Variants in ANO4 observed in about 807,000 individuals in gnomAD.
The protein encoded by ANO4 is anoctamin 4, also known as anoctamin-4.
Under a neutral mutation model 141.9 loss-of-function variants are expected in ANO4, and 69 were observed. The observed-to-expected ratio is 0.49, with a 90% CI of 0.40 to 0.59. The LOEUF (loss-of-function observed/expected upper bound fraction) is 0.59, where lower values mean the gene tolerates loss of function less well. Ranked by LOEUF, ANO4 falls within the 20% of genes least tolerant of loss-of-function variation. The pLI, the probability that ANO4 is intolerant of heterozygous loss-of-function variation, is 0.00. For missense variants in ANO4, 894 were observed against 1,162.2 expected (o/e 0.77, Z 3.36); for synonymous variants, 350 against 394.3 (o/e 0.89, Z 1.33).
At position 100,983,956 on chromosome 12, in the gene ANO4, C is replaced by T. The variant is rs546102455; in HGVS notation, c.603-3583C>T. ...ACCATGTTTGAGTGTTTGGTTTAGT[C>T]GTAGTGAAGTGCACACAGCATGCAC... is the stretch of plus-strand genomic sequence containing the variant. On this transcript the variant is annotated intron_variant, in intron 7 of 27. Transcript: ENST00000392977. 2.6e-5 allele frequency among the ~76,000 whole-genome samples: 4 copies of T among 152,204 alleles called. No individual in the cohort carries two copies. In the East Asian group the frequency reaches 5.8e-4, roughly 22 times the overall value.
chr12:100,731,490 A>G (rs2031378872), intron 1 of ANO4, among the ~76,000 whole-genome samples: 1 of 152,162 alleles, frequency 6.6e-6, no homozygotes, highest in Admixed American at 6.5e-5. Flanking sequence ...GTTACAATTG[A>G]TAAACCTACA....
intron 2 of ANO4, among the ~76,000 whole-genome samples, chr12:100,734,294 T>C (rs1021239396): frequency 3.3e-5 from 5 of 152,216 alleles, no homozygotes; most frequent in African/African-American, 1.2e-4. Context: ...GTTAGAGTGC[T>C]GCTGAAAATC....
chr12:100,900,048 T>A (rs1422111833), intron 1 of ANO4, among the ~76,000 whole-genome samples: 1 of 150,902 alleles, frequency 6.6e-6, no homozygotes, highest in Non-Finnish European at 1.5e-5. Flanking sequence ...TACTATCTAA[T>A]GTAATCCTTA....
intron 8 of ANO4, among the ~76,000 whole-genome samples, chr12:101,014,669 G>A (rs897458879): frequency 6.6e-6 from 1 of 152,150 alleles, no homozygotes; most frequent in Non-Finnish European, 1.5e-5. Context: ...ACATTAGCCC[G>A]TCAAAGTAGC....
chr12:101,006,884 C>A (rs2045894380), intron 8 of ANO4, among the ~76,000 whole-genome samples: 1 of 152,222 alleles, frequency 6.6e-6, no homozygotes, highest in South Asian at 2.1e-4. Context: ...ACTTTTGATT[C>A]TTAAGTTTGT....
intron 14 of ANO4, among the ~76,000 whole-genome samples, chr12:101,054,677 T>A (rs2048031581): frequency 6.6e-6 from 1 of 152,152 alleles, no homozygotes; most frequent in Non-Finnish European, 1.5e-5. Flanking sequence ...TTTTTTTGTA[T>A]TTTTAGTAGA....
At chr12:100,827,231 A>G (rs766450586) in intron 1 of ANO4, among the ~76,000 whole-genome samples, 3 of 151,836 alleles carry the variant, frequency 2.0e-5, no homozygotes, top group Non-Finnish European at 4.4e-5. Flanking sequence ...GGCCCTTTTG[A>G]TGATCCTTGA....
chr12:101,010,220 G>A (rs919803958), intron 8 of ANO4, among the ~76,000 whole-genome samples: 4 of 152,014 alleles, frequency 2.6e-5, no homozygotes, highest in African/African-American at 9.7e-5. Context: ...TCATTTTCAT[G>A]GGATTTTGAG....
rs764468746 is a variant in ANO4, at chr12:100,894,965, C to CAAA, written c.-140-6667_-140-6665dup. ...TGGGCGACAGAGCGAGACTCCATCT[C>CAAA]AAAAAAAAAAAAAAAAGAAAAAGAA... On this transcript the variant is annotated intron_variant, in intron 1 of 27. Coordinates refer to ENST00000392977, the MANE Select transcript of ANO4 (RefSeq NM_001286615.2). Among the ~76,000 whole-genome samples, 283 of 102,474 alleles carry CAAA rather than the reference C, an allele frequency of 2.8e-3. 1 individual carries two copies. Among genetic ancestry groups the CAAA allele is most frequent in the Non-Finnish European group, 3.6e-3 (176 of 49,388 alleles). 67.2% of individuals were successfully genotyped at this position (102,474 alleles called of 152,430 possible).
chr12:100,918,240 T>C (rs765065440), intron 2 of ANO4, among the ~76,000 whole-genome samples: 45 of 152,282 alleles, frequency 3.0e-4, no homozygotes, highest in Non-Finnish European at 4.3e-4. Flanking sequence ...GGTGGGAGAA[T>C]TGCTTGAGCC....
At chr12:101,089,425 A>G (rs998334437) in intron 17 of ANO4, among the ~76,000 whole-genome samples, 7 of 151,838 alleles carry the variant, frequency 4.6e-5, no homozygotes, top group Non-Finnish European at 1.0e-4. Flanking sequence ...GCAAGTGGAG[A>G]TTGAAAGTAG....
At chr12:100,717,671 C>T (rs941844867) in intron 1 of ANO4, 3 of 395,512 alleles carry the variant, frequency 7.6e-6, no homozygotes, top group African/African-American at 6.2e-5. Context: ...GGGAGGGAGA[C>T]GGCGGCCGTG....
At chr12:100,836,926 G>A in intron 1 of ANO4, among the ~76,000 whole-genome samples, 1 of 152,130 alleles carries the variant, frequency 6.6e-6, no homozygotes, top group East Asian at 1.9e-4. Flanking sequence ...TCTTAACTTT[G>A]ACTGCAGGTC....
At chr12:100,943,442 G>T (rs934097044) in intron 5 of ANO4, among the ~76,000 whole-genome samples, 4 of 152,158 alleles carry the variant, frequency 2.6e-5, no homozygotes, top group Non-Finnish European at 5.9e-5. Flanking sequence ...TTGTGCCAAG[G>T]TATCAAATAT....
intron 1 of ANO4, among the ~76,000 whole-genome samples, chr12:100,818,440 A>G (rs2135727172): frequency 6.6e-6 from 1 of 152,014 alleles, no homozygotes; most frequent in East Asian, 1.9e-4. Context: ...CTTCAACTTT[A>G]TTCACTAAAT....
At chr12:101,021,617 A>G (rs1281488279) in intron 9 of ANO4, among the ~76,000 whole-genome samples, 5 of 152,216 alleles carry the variant, frequency 3.3e-5, no homozygotes, top group Admixed American at 2.0e-4. Context: ...AGGTTGCATT[A>G]AATGACAAGA....
At chr12:100,879,904 G>A (rs2039488397) in intron 1 of ANO4, among the ~76,000 whole-genome samples, 1 of 152,180 alleles carries the variant, frequency 6.6e-6, no homozygotes, top group South Asian at 2.1e-4. Flanking sequence ...AAGTTCACAG[G>A]GAGGAGAACC....
chr12:100,871,566 C>G (rs927397883), intron 1 of ANO4, among the ~76,000 whole-genome samples: 1 of 152,184 alleles, frequency 6.6e-6, no homozygotes, highest in Non-Finnish European at 1.5e-5. Context: ...GCCCTGACAG[C>G]AAGGACTGTT....
Position 100,882,260 on chromosome 12 carries a change from C to G in ANO4, c.-140-19386C>G, listed in dbSNP as rs573057329. On this transcript the variant is annotated intron_variant, in intron 1 of 27. Coordinates refer to ENST00000392977, the MANE Select transcript of ANO4 (RefSeq NM_001286615.2). ...GTCACACAACTTGAACGGGGTGGAA[C>G]CAGAATACTTGTCGAGCTACATAGG... 2.6e-5 allele frequency among the ~76,000 whole-genome samples: 4 copies of G among 152,152 alleles called. No individual in the cohort carries two copies. In the South Asian group the frequency reaches 8.3e-4, roughly 32 times the overall value.
Sources: allele counts gnomAD v4.1 joint callset (sites outside exome capture counted in the v4.1 genomes callset), GRCh38; gene constraint gnomAD v4.1.1; transcripts MANE v1.5; gene names NCBI Gene and HGNC (gene_info 2026-07-23, HGNC 2026-07-21).